MAGI2: variants seen among roughly 807,000 people sequenced by gnomAD.
The protein encoded by MAGI2 is membrane associated guanylate kinase, WW and PDZ domain containing 2.
In MAGI2, 35 loss-of-function variants were observed where a neutral mutation model predicts 133.3. The ratio of observed to expected loss-of-function variants is 0.26; its 90% CI spans 0.20 to 0.35. The LOEUF (loss-of-function observed/expected upper bound fraction) is 0.35, where lower values mean the gene tolerates loss of function less well. Ranked by LOEUF, MAGI2 falls within the 10% of genes least tolerant of loss-of-function variation. The probability of loss-of-function intolerance (pLI) is 1.00; values close to 1 mark genes in which losing one functional copy is unlikely to be tolerated. For missense variants in MAGI2, 1,636 were observed against 1,863.4 expected, an observed-to-expected ratio of 0.88 and a Z score of 2.25; for synonymous variants, 729 against 710.6, an observed-to-expected ratio of 1.03 and a Z score of -0.41.
At chr7:78,812,073 C>T (rs1463124655) in intron 2 of MAGI2, among the ~76,000 whole-genome samples, 1 of 152,076 alleles carries the variant, frequency 6.6e-6, no homozygotes, top group Non-Finnish European at 1.5e-5. Flanking sequence ...CACCATAAGC[C>T]AGGGAACATG....
intron 1 of MAGI2, among the ~76,000 whole-genome samples, chr7:79,357,175 G>GAAT (rs1842078073): frequency 6.6e-6 from 1 of 152,122 alleles, no homozygotes; most frequent in South Asian, 2.1e-4. Context: ...GATTAGTAAA[G>GAAT]AATAACCCAA....
intron 6 of MAGI2, among the ~76,000 whole-genome samples, chr7:78,433,613 T>C (rs1439539815): frequency 6.6e-6 from 1 of 152,060 alleles, no homozygotes; most frequent in African/African-American, 2.4e-5. Context: ...CAGCATCTGG[T>C]GGTTTTGCAG....
rs1031969270 is a variant in MAGI2, at chr7:78,435,660, C to T, written c.1045+54101G>A. On this transcript the variant is annotated intron_variant, in intron 6 of 21. Coordinates refer to ENST00000354212, the MANE Select transcript of MAGI2 (RefSeq NM_012301.4). The stretch of plus-strand genomic sequence containing the variant: ...TACCACCTTGTTCTAAAGTTGTGCC[C>T]GAGGTCACAGAGAATCCCGAGAAAG... 3.9e-5 allele frequency among the ~76,000 whole-genome samples: 6 copies of T among 152,058 alleles called. No individual in the cohort carries two copies. In the South Asian group the frequency reaches 8.3e-4, roughly 21 times the overall value.
intron 3 of MAGI2, among the ~76,000 whole-genome samples, chr7:78,542,033 G>A (rs551013653): frequency 6.6e-6 from 1 of 152,140 alleles, no homozygotes; most frequent in Non-Finnish European, 1.5e-5. Flanking sequence ...TGCTGTTGTC[G>A]CATGCAGGTA....
At chr7:79,308,949 T>C (rs982716834) in intron 1 of MAGI2, among the ~76,000 whole-genome samples, 9 of 151,518 alleles carry the variant, frequency 5.9e-5, no homozygotes, top group Non-Finnish European at 1.3e-4. Flanking sequence ...TGAACATTTT[T>C]TTAAACTTTA....
intron 8 of MAGI2, chr7:78,345,521 G>C (rs1790809734): frequency 5.6e-6 from 1 of 179,448 alleles, no homozygotes; most frequent in Admixed American, 5.6e-5. Flanking sequence ...CTCCGGGGCA[G>C]CACGGGGGCG....
intron 1 of MAGI2, among the ~76,000 whole-genome samples, chr7:79,358,885 G>A (rs1416371862): frequency 1.3e-5 from 2 of 152,152 alleles, no homozygotes; most frequent in Non-Finnish European, 2.9e-5. Flanking sequence ...GACCTAAGCA[G>A]GCTGACTTTC....
At chr7:79,326,696 C>G (rs562176352) in intron 1 of MAGI2, among the ~76,000 whole-genome samples, 1 of 149,424 alleles carries the variant, frequency 6.7e-6, no homozygotes, top group East Asian at 2.0e-4. Flanking sequence ...ATCCTGTTTT[C>G]CTTTAGTTAC....
chr7:78,664,289 A>G (rs912625022), intron 2 of MAGI2, among the ~76,000 whole-genome samples: 14 of 152,184 alleles, frequency 9.2e-5, no homozygotes, highest in Admixed American at 8.5e-4. Context: ...ATACAGCACT[A>G]ACATTTAATT....
intron 2 of MAGI2, among the ~76,000 whole-genome samples, chr7:78,971,094 C>T (rs1803750544): frequency 6.6e-6 from 1 of 152,030 alleles, no homozygotes; most frequent in Non-Finnish European, 1.5e-5. Context: ...TCCAGACAAA[C>T]TTACCATATA....
intron 1 of MAGI2, among the ~76,000 whole-genome samples, chr7:79,070,054 A>T (rs902421489): frequency 6.6e-6 from 1 of 151,730 alleles, no homozygotes; most frequent in African/African-American, 2.4e-5. Flanking sequence ...CTTCATTTCA[A>T]CCTTTGTGAA....
chr7:78,779,033 A>G (rs1036065183), intron 2 of MAGI2, among the ~76,000 whole-genome samples: 6 of 151,076 alleles, frequency 4.0e-5, no homozygotes, highest in African/African-American at 1.5e-4. Context: ...CAGCCTCCCG[A>G]GTAGTGGGGA....
At chr7:79,325,386 C>T (rs73704153) in intron 1 of MAGI2, among the ~76,000 whole-genome samples, 7,826 of 152,108 alleles carry the variant, frequency 0.051, 642 homozygotes, top group African/African-American at 0.18. Context: ...TCTAAAGATG[C>T]CAGTCCTAGG....
chr7:79,410,448 T>C (rs1846069073), intron 1 of MAGI2: 1 of 152,104 alleles, frequency 6.6e-6, no homozygotes, highest in Non-Finnish European at 1.5e-5. Context: ...TCCACACAAA[T>C]ATTGAGAAGC....
chr7:78,512,780 C>T (rs962016199), intron 4 of MAGI2, among the ~76,000 whole-genome samples: 3 of 152,108 alleles, frequency 2.0e-5, no homozygotes, highest in African/African-American at 4.8e-5. Context: ...TCTTCTATAT[C>T]TAAAACCCAT....
At chr7:78,314,684 C>T (rs1276954459) in intron 9 of MAGI2, among the ~76,000 whole-genome samples, 1 of 152,156 alleles carries the variant, frequency 6.6e-6, no homozygotes, top group African/African-American at 2.4e-5. Flanking sequence ...TAACTTTAAC[C>T]ATCATTCTTT....
intron 2 of MAGI2, among the ~76,000 whole-genome samples, chr7:78,676,664 C>A (rs763709285): frequency 6.6e-6 from 1 of 151,834 alleles, no homozygotes; most frequent in East Asian, 1.9e-4. Context: ...TTTGAAAAAC[C>A]GGTGTTTTCA....
chr7:78,544,881 A>C (rs1262071821), intron 3 of MAGI2, among the ~76,000 whole-genome samples: 1 of 151,928 alleles, frequency 6.6e-6, no homozygotes, highest in African/African-American at 2.4e-5. Flanking sequence ...CAGCAACAAA[A>C]AACCTGACTT....
Position 78,127,286 on chromosome 7 carries a change from A to C in MAGI2, c.3334T>G (p.Leu1112Val). Residue 1112 changes from leucine to valine, a missense_variant, in exon 19 of 22, where the codon TTG (leucine) becomes GTG (valine). Leu to Val is a conservative substitution (Grantham distance 32). This residue lies in a region of MAGI2 where 920 missense variants were observed against 1,093.5 expected (regional missense o/e 0.84). Transcript: ENST00000354212. The stretch of plus-strand genomic sequence containing the variant: ...AGTAGGGGAGGCTGCCTGTAGTCCA[A>C]GGGTGGGGGCTGCTGGTAGTCCCCT... Reference protein sequence around the residue: ...PGGDYQQPPPLDYRQPPLLDY... With the variant: ...PGGDYQQPPPVDYRQPPLLDY... 6.2e-7 allele frequency: 1 copy of C among 1,607,722 alleles called. No individual in the cohort carries two copies. The highest frequency in any genetic ancestry group is 8.5e-7 in the Non-Finnish European group (1 of 1,175,888).
Sources: allele counts gnomAD v4.1 joint callset (sites outside exome capture counted in the v4.1 genomes callset), GRCh38; gene constraint gnomAD v4.1.1; regional missense constraint gnomAD v4.1.1; transcripts MANE v1.5; gene names NCBI Gene and HGNC (gene_info 2026-07-23, HGNC 2026-07-21).